Variants in TAMM41 observed in about 807,000 individuals in gnomAD.
TAMM41 encodes phosphatidate cytidylyltransferase, mitochondrial.
TAMM41 carries 36 observed loss-of-function variants against 44.1 expected under a neutral mutation model. The observed-to-expected ratio is 0.82, with a 90% CI of 0.63 to 1.08. The LOEUF (loss-of-function observed/expected upper bound fraction) is 1.08. Ranked by LOEUF, TAMM41 falls within the 50% of genes least tolerant of loss-of-function variation. The probability of loss-of-function intolerance (pLI) is 0.00; values close to 1 mark genes in which losing one functional copy is unlikely to be tolerated. For synonymous variants in TAMM41, 164 were observed against 153.1 expected, an observed-to-expected ratio of 1.07 and a Z score of -0.53; for missense variants, 417 against 404.3, an observed-to-expected ratio of 1.03 and a Z score of -0.27.
intron 5 of TAMM41, among the ~76,000 whole-genome samples, chr3:11,815,769 T>C (rs2124979821): frequency 6.6e-6 from 1 of 151,940 alleles, no homozygotes; most frequent in East Asian, 1.9e-4. Flanking sequence ...AAATAAAGTG[T>C]AAGATTGAAA....
chr3:11,798,246 C>A (rs554524809), intron 7 of TAMM41, among the ~76,000 whole-genome samples: 5 of 152,102 alleles, frequency 3.3e-5, no homozygotes, highest in Admixed American at 2.0e-4. Context: ...ATGGAATCAA[C>A]CTAAATGCCC....
chr3:11,825,829 T>C (rs1192487318), intron 4 of TAMM41, among the ~76,000 whole-genome samples: 1 of 152,070 alleles, frequency 6.6e-6, no homozygotes, highest in Non-Finnish European at 1.5e-5. Context: ...TCTGGCTCTG[T>C]TGCCCAGGCT....
chr3:11,829,914 C>A, intron 3 of TAMM41, 50 bp from the exon 4 acceptor site: 1 of 1,571,864 alleles, frequency 6.4e-7, no homozygotes, highest in Non-Finnish European at 8.7e-7. Context: ...TGGAGTATTG[C>A]TCAAGCATGG....
chr3:11,775,124 C>T, the TAMM41 span, among the ~76,000 whole-genome samples: 2 of 152,142 alleles, frequency 1.3e-5, no homozygotes, highest in Non-Finnish European at 2.9e-5. Flanking sequence ...CCTCAGCCTC[C>T]CAAAGTGCTG....
chr3:11,797,478 C>G (rs892185988), intron 7 of TAMM41, among the ~76,000 whole-genome samples: 5 of 152,144 alleles, frequency 3.3e-5, no homozygotes, highest in African/African-American at 9.7e-5. Flanking sequence ...TTCCTCATAC[C>G]ATATACAAAA....
intron 1 of TAMM41, chr3:11,844,916 G>A (rs2079608983): frequency 2.2e-6 from 1 of 456,576 alleles, no homozygotes; most frequent in Non-Finnish European, 4.4e-6. Flanking sequence ...GATCAGATCA[G>A]GGGCACAGGA....
the TAMM41 span, among the ~76,000 whole-genome samples, chr3:11,769,847 G>A: frequency 2.0e-5 from 3 of 152,176 alleles, no homozygotes; most frequent in Non-Finnish European, 4.4e-5. Context: ...CACGCCTCAC[G>A]GCCCAGCTCG....
chr3:11,816,634 C>G (rs1050804331), intron 5 of TAMM41, among the ~76,000 whole-genome samples: 2 of 152,108 alleles, frequency 1.3e-5, no homozygotes, highest in African/African-American at 4.8e-5. Context: ...GGTGTGGTGG[C>G]ATGCACCTGT....
At chr3:11,827,914 G>A (rs950796124) in intron 4 of TAMM41, among the ~76,000 whole-genome samples, 1 of 152,120 alleles carries the variant, frequency 6.6e-6, no homozygotes, top group African/African-American at 2.4e-5. Context: ...GACAGACATG[G>A]TTTTTCTGTT....
At chr3:11,845,110 C>A in intron 1 of TAMM41, 2 of 400,080 alleles carry the variant, frequency 5.0e-6, no homozygotes, top group South Asian at 1.9e-5. Context: ...AAATAGAACA[C>A]ATTTATGCGG....
the TAMM41 span, among the ~76,000 whole-genome samples, chr3:11,755,087 A>T: frequency 2.0e-5 from 3 of 150,994 alleles, no homozygotes; most frequent in Admixed American, 2.0e-4. Context: ...AGCAACCCCT[A>T]ATCAGAGCCC....
the TAMM41 span, among the ~76,000 whole-genome samples, chr3:11,764,486 C>CTTTT: frequency 1.1e-3 from 77 of 68,134 alleles, 4 homozygotes; most frequent in African/African-American, 1.8e-3. Context: ...TAATCTTATT[C>CTTTT]TTTTTTTTTT....
intron 7 of TAMM41, among the ~76,000 whole-genome samples, chr3:11,800,547 TAAAA>T (rs60989120): frequency 0.023 from 3,349 of 145,396 alleles, 114 homozygotes; most frequent in African/African-American, 0.078. Flanking sequence ...CAAAAACAGT[TAAAA>T]AAAAAAAAAA....
At chr3:11,789,885 A>G (rs1487732442), downstream of TAMM41, among the ~76,000 whole-genome samples, 5 of 152,182 alleles carry the variant, frequency 3.3e-5, no homozygotes, top group Non-Finnish European at 2.9e-5. Flanking sequence ...ACTGGGGTAC[A>G]TGATTCTGTC....
At chr3:11,799,568 A>C (rs895373526) in intron 7 of TAMM41, among the ~76,000 whole-genome samples, 1 of 152,242 alleles carries the variant, frequency 6.6e-6, no homozygotes, top group African/African-American at 2.4e-5. Flanking sequence ...GTGAGGTAAC[A>C]TACATTCTGT....
At chr3:11,766,372 T>G in the TAMM41 span, among the ~76,000 whole-genome samples, 1 of 152,050 alleles carries the variant, frequency 6.6e-6, no homozygotes, top group African/African-American at 2.4e-5. Flanking sequence ...CTTGCTATGT[T>G]GCCCAGGCTG....
chr3:11,795,680 C>T (rs2077588283), intron 7 of TAMM41, among the ~76,000 whole-genome samples: 1 of 152,170 alleles, frequency 6.6e-6, no homozygotes, highest in African/African-American at 2.4e-5. Context: ...CTGCTTATCT[C>T]TCCATCTGAT....
chr3:11,846,670 C>G lies in TAMM41; in HGVS notation c.-34G>C. 1 of 1,613,704 alleles carries G rather than the reference C, an allele frequency of 6.2e-7. No individual in the cohort carries two copies. Among genetic ancestry groups the G allele is most frequent in the Non-Finnish European group, 8.5e-7 (1 of 1,179,790 alleles). ...GGCTAACAGGGGACACTCAGCGCAG[C>G]AGGGCGAGGACAACCGGGCGGGGAA... On this transcript the variant is annotated 5_prime_UTR_variant, in exon 1 of 8. Coordinates refer to ENST00000455809, the MANE Select transcript of TAMM41 (RefSeq NM_001284401.2).
chr3:11,770,901 G>T, the TAMM41 span, among the ~76,000 whole-genome samples: 1 of 152,266 alleles, frequency 6.6e-6, no homozygotes, highest in Admixed American at 6.5e-5. Context: ...CTCCCCAGAG[G>T]GCTGGAGGGC....
Sources: gnomAD v4.1 joint callset for allele counts (sites outside exome capture counted in the v4.1 genomes callset) on GRCh38, gnomAD v4.1.1 for gene constraint, MANE v1.5 for transcripts, NCBI Gene and HGNC (gene_info 2026-07-23, HGNC 2026-07-21) for gene names.